MKLN1: variants seen among roughly 807,000 people sequenced by gnomAD.
MKLN1 encodes muskelin.
Under a neutral mutation model 99.0 loss-of-function variants are expected in MKLN1, and 18 were observed. That is an observed-to-expected ratio of 0.18 (90% confidence interval 0.13 to 0.27). The LOEUF (loss-of-function observed/expected upper bound fraction) is 0.27, where lower values mean the gene tolerates loss of function less well. Among genes scored for constraint, MKLN1 ranks in the 10% least tolerant of loss-of-function variants. The pLI, the probability that MKLN1 is intolerant of heterozygous loss-of-function variation, is 1.00. For missense variants in MKLN1, 621 were observed against 875.9 expected (o/e 0.71, Z 3.67); for synonymous variants, 288 against 293.2 (o/e 0.98, Z 0.18).
intron 3 of MKLN1, among the ~76,000 whole-genome samples, chr7:131,239,165 C>A (rs1455985853): frequency 6.6e-6 from 1 of 152,048 alleles, no homozygotes; most frequent in Non-Finnish European, 1.5e-5. Flanking sequence ...ATTTTTAAAA[C>A]TTTTTATTTC....
chr7:131,154,332 TTG>T (rs1172083450), intron 2 of MKLN1, among the ~76,000 whole-genome samples: 2 of 152,180 alleles, frequency 1.3e-5, no homozygotes, highest in Non-Finnish European at 2.9e-5. Flanking sequence ...TCCACCCGCC[TTG>T]GCCTCCCAAA....
chr7:131,455,549 A>G (rs966320449), intron 12 of MKLN1, among the ~76,000 whole-genome samples: 1 of 152,166 alleles, frequency 6.6e-6, no homozygotes, highest in Non-Finnish European at 1.5e-5. Context: ...TGTTCTTTCA[A>G]AATATGTTAA....
rs550663416 is a variant in MKLN1, at chr7:131,463,799, C to G, written c.1673+435C>G. ...CACAGAACTGGTGCTGCACATTTTG[C>G]TTTGGGAAAACATGGATCCAGCTCT... is the stretch of plus-strand genomic sequence containing the variant. On this transcript the variant is annotated intron_variant, in intron 13 of 17. Transcript: ENST00000352689. Among the ~76,000 whole-genome samples the G allele has an allele frequency of 2.6e-5, 4 of 152,312 alleles. No homozygotes were observed. The South Asian group carries it at 8.3e-4, about 32-fold the overall frequency.
upstream of MKLN1, chr7:131,327,680 G>A: frequency 1.4e-6 from 1 of 699,408 alleles, no homozygotes; most frequent in Non-Finnish European, 2.2e-6. Flanking sequence ...CCTGGAAAGC[G>A]CTTACACCTC....
At chr7:131,393,751 A>C (rs1160550860) in intron 4 of MKLN1, among the ~76,000 whole-genome samples, 1 of 151,966 alleles carries the variant, frequency 6.6e-6, no homozygotes, top group African/African-American at 2.4e-5. Context: ...TGGCCTCCCA[A>C]GTAGCCAGGA....
At chr7:131,370,848 G>C (rs556350326) in intron 1 of MKLN1, among the ~76,000 whole-genome samples, 2 of 152,248 alleles carry the variant, frequency 1.3e-5, no homozygotes, top group East Asian at 3.9e-4. Context: ...CCAAGCTTTT[G>C]TAAGATTCTT....
chr7:131,203,326 T>A (rs1796758412), intron 3 of MKLN1, among the ~76,000 whole-genome samples: 1 of 152,188 alleles, frequency 6.6e-6, no homozygotes, highest in African/African-American at 2.4e-5. Flanking sequence ...AAGTAGAACA[T>A]CTAAAAGGCC....
intron 10 of MKLN1, among the ~76,000 whole-genome samples, chr7:131,441,497 T>C (rs1250221186): frequency 3.3e-5 from 5 of 152,228 alleles, no homozygotes; most frequent in Admixed American, 2.0e-4. Flanking sequence ...CTTTAAACTT[T>C]TGGCTTTAAA....
At position 131,491,484 on chromosome 7, in the gene MKLN1, C is replaced by T. The variant is rs528033561; in HGVS notation, c.*3756C>T. 7.9e-5 allele frequency: 12 copies of T among 152,164 alleles called. No homozygotes were observed. The South Asian group carries it at 2.1e-3, about 26-fold the overall frequency. 9.4% of individuals were successfully genotyped at this position (152,164 alleles called of 1,614,324 possible). On this transcript the variant is annotated 3_prime_UTR_variant, in exon 18 of 18. Coordinates refer to ENST00000352689, the MANE Select transcript of MKLN1 (RefSeq NM_013255.5). ...TTTGTTATCCTTATTAGTCAAATAA[C>T]GCTATTCTTTTGTGGTTCTAGACCC...
intron 3 of MKLN1, among the ~76,000 whole-genome samples, chr7:131,320,933 GATGCTGGCA>G (rs1333568826): frequency 1.3e-5 from 2 of 152,198 alleles, no homozygotes; most frequent in Non-Finnish European, 1.5e-5. Flanking sequence ...GGAAACAACA[GATGCTGGCA>G]ATGCTGTGGA....
intron 6 of MKLN1, among the ~76,000 whole-genome samples, chr7:131,403,031 T>C (rs1438516957): frequency 6.6e-6 from 1 of 152,216 alleles, no homozygotes; most frequent in Non-Finnish European, 1.5e-5. Flanking sequence ...AAGCCAGGCA[T>C]TGACTTCACT....
chr7:131,448,048 G>A (rs1162112090), intron 12 of MKLN1, among the ~76,000 whole-genome samples: 1 of 152,170 alleles, frequency 6.6e-6, no homozygotes, highest in Non-Finnish European at 1.5e-5. Flanking sequence ...CTAACGTGGT[G>A]AAACCCCATC....
At chr7:131,400,057 CT>C (rs35178760) in intron 6 of MKLN1, among the ~76,000 whole-genome samples, 19 of 148,200 alleles carry the variant, frequency 1.3e-4, no homozygotes, top group African/African-American at 2.0e-4. Flanking sequence ...TATAGTATGA[CT>C]TTTTTTTTTA....
chr7:131,217,294 A>G (rs958004320), intron 3 of MKLN1, among the ~76,000 whole-genome samples: 8 of 152,264 alleles, frequency 5.3e-5, no homozygotes, highest in African/African-American at 1.9e-4. Flanking sequence ...TTGAGTTCCT[A>G]CTATGTGCTT....
chr7:131,130,323 C>T (rs1336219948), intron 1 of MKLN1, among the ~76,000 whole-genome samples: 1 of 152,206 alleles, frequency 6.6e-6, no homozygotes, highest in Admixed American at 6.5e-5. Context: ...AACCTACAGC[C>T]TGATAAGCTT....
chr7:131,142,609 C>T (rs761235660), intron 1 of MKLN1, among the ~76,000 whole-genome samples: 91 of 151,516 alleles, frequency 6.0e-4, no homozygotes, highest in Non-Finnish European at 1.1e-3. Flanking sequence ...TAGGCGGGCG[C>T]CTGTAGTCCC....
chr7:131,460,633 G>A (rs1243641207), intron 12 of MKLN1, among the ~76,000 whole-genome samples: 2 of 152,122 alleles, frequency 1.3e-5, no homozygotes, highest in Non-Finnish European at 2.9e-5. Context: ...CTTTGTATCC[G>A]ATGACTTATT....
chr7:131,414,486 G>A (rs1394933952), intron 7 of MKLN1, among the ~76,000 whole-genome samples, 159 bp from the exon 8 acceptor site: 4 of 152,062 alleles, frequency 2.6e-5, no homozygotes. Flanking sequence ...ACACAGATTT[G>A]AGTCATACTG....
intron 1 of MKLN1, among the ~76,000 whole-genome samples, chr7:131,140,612 G>T (rs1795716925): frequency 6.6e-6 from 1 of 152,136 alleles, no homozygotes; most frequent in Admixed American, 6.5e-5. Context: ...TTCACCTTCT[G>T]CCGTGAGTAA....
Sources: allele counts gnomAD v4.1 joint callset (sites outside exome capture counted in the v4.1 genomes callset), GRCh38; gene constraint gnomAD v4.1.1; transcripts MANE v1.5; gene names NCBI Gene and HGNC (gene_info 2026-07-23, HGNC 2026-07-21).